The following USP6NL variants were observed in gnomAD, a reference collection of about 807,000 sequenced individuals.
USP6NL encodes the protein USP6 N-terminal like.
USP6NL carries 26 observed loss-of-function variants against 61.9 expected under a neutral mutation model. The ratio of observed to expected loss-of-function variants is 0.42; its 90% CI spans 0.31 to 0.58. The LOEUF is 0.58. Ranked by LOEUF, USP6NL falls within the 20% of genes least tolerant of loss-of-function variation. The probability of loss-of-function intolerance (pLI) is 0.16; values close to 1 mark genes in which losing one functional copy is unlikely to be tolerated. For synonymous variants in USP6NL, 432 were observed against 390.1 expected (o/e 1.11, Z -1.27); for missense variants, 1,114 against 1,034.3 (o/e 1.08, Z -1.06).
At position 11,548,669 on chromosome 10, in the gene USP6NL, G is replaced by A. The variant is rs578120091; in HGVS notation, c.5-21102C>T. On this transcript the variant is annotated intron_variant, in intron 2 of 14. Coordinates refer to ENST00000609104, the MANE Select transcript of USP6NL (RefSeq NM_014688.5). The surrounding 1 kb of genome is among the most constrained non-coding windows in gnomAD (Gnocchi z 4.3). ...TAAGATCCTAGGACCCACTGGCAAA[G>A]ACTTTCATTCTGATAAACATCAACA... Among the ~76,000 whole-genome samples, 1 of 152,228 alleles carries A rather than the reference G, an allele frequency of 6.6e-6. No homozygotes were observed. The highest frequency in any genetic ancestry group is 1.5e-5 in the Non-Finnish European group (1 of 67,984).
intron 2 of USP6NL, chr10:11,565,751 C>T (rs1203093542): frequency 6.6e-6 from 1 of 152,150 alleles, no homozygotes; most frequent in Non-Finnish European, 1.5e-5. Flanking sequence ...TATCCAGCCG[C>T]TCACCATTGA....
chr10:11,477,326 G>A (rs2440086), intron 14 of USP6NL, among the ~76,000 whole-genome samples: 67,869 of 152,078 alleles, frequency 0.45, 15,565 homozygotes, highest in Middle Eastern at 0.53. Flanking sequence ...AGTGAGAAAT[G>A]AAAATGTAGG....
Position 11,462,848 on chromosome 10 carries a change from G to A in USP6NL, c.2080C>T (p.Pro694Ser), listed in dbSNP as rs2096221148. Residue 694 changes from proline (P) to serine (S), a missense_variant, in exon 15 of 15, where the codon CCG becomes TCG. Transcript: ENST00000609104. ...SYSRPSPLVL[P>S]SSRIEVLPVD... The stretch of plus-strand genomic sequence containing the variant: ...GGGAGGACTTCTATTCGACTAGACG[G>A]CAGTACAAGGGGGCTTGGGCGGCTG... 3 of 1,613,928 alleles carry A rather than the reference G, an allele frequency of 1.9e-6. No individual in the cohort carries two copies. The highest frequency in any genetic ancestry group is 2.2e-5 in the East Asian group (1 of 44,880).
At chr10:11,577,768 T>C (rs917087628) in intron 2 of USP6NL, among the ~76,000 whole-genome samples, 1 of 152,132 alleles carries the variant, frequency 6.6e-6, no homozygotes, top group African/African-American at 2.4e-5. Flanking sequence ...CCCAAAGTAC[T>C]GGGATTACAG....
rs1044951447 is a variant in USP6NL at position 11,463,153 on chromosome 10, G to A, written c.1775C>T (p.Pro592Leu). The A allele has an allele frequency of 1.9e-6, 3 of 1,613,816 alleles. No homozygotes were observed. Among genetic ancestry groups the A allele is most frequent in the Non-Finnish European group, 2.5e-6 (3 of 1,179,904 alleles). The stretch of plus-strand genomic sequence containing the variant: ...GGATACTTTTGATGGACTAGAACTT[G>A]GCTCAGCGTGCTTTCTCGGGCTAGG... ...YPPSPRKHAE[P>L]SSSPSKVSNK... is the part of the protein sequence containing the mutation. The change falls in exon 15 of 15, where the codon CCA (proline) becomes CTA (leucine). Residue 592 changes from proline (P) to leucine (L), a missense_variant. Pro to Leu is a moderately conservative substitution (Grantham distance 98, BLOSUM62 -3). Transcript: ENST00000609104. The surrounding 1 kb of genome is among the most constrained non-coding windows in gnomAD (Gnocchi z 6.3).
intron 2 of USP6NL, among the ~76,000 whole-genome samples, chr10:11,542,539 C>T (rs1001229464): frequency 2.6e-5 from 4 of 152,042 alleles, no homozygotes; most frequent in African/African-American, 9.7e-5. Flanking sequence ...GCCAACACAG[C>T]GAAATCCCAT....
intron 2 of USP6NL, among the ~76,000 whole-genome samples, chr10:11,555,949 G>T (rs1355948347): frequency 6.6e-6 from 1 of 152,102 alleles, no homozygotes; most frequent in Non-Finnish European, 1.5e-5. Context: ...GACATTTCCA[G>T]ATAATGCCTG....
At chr10:11,558,664 C>T (rs1204676388) in intron 2 of USP6NL, among the ~76,000 whole-genome samples, 1 of 152,164 alleles carries the variant, frequency 6.6e-6, no homozygotes, top group East Asian at 1.9e-4. Context: ...AACCTCCAAG[C>T]CTCTAAAGAT....
intron 1 of USP6NL, among the ~76,000 whole-genome samples, chr10:11,608,411 A>G (rs1275954133): frequency 6.6e-6 from 1 of 152,222 alleles, no homozygotes; most frequent in Non-Finnish European, 1.5e-5. Context: ...CATAACCAAC[A>G]GTGACTGCTC....
rs1832396853 is a variant in USP6NL, at chr10:11,465,183, T to C, written c.1079-1334A>G. 1.3e-5 allele frequency among the ~76,000 whole-genome samples: 2 copies of C among 152,240 alleles called. No individual in the cohort carries two copies. Among genetic ancestry groups the C allele is most frequent in the African/African-American group, 4.8e-5 (2 of 41,454 alleles). On this transcript the variant is annotated intron_variant, in intron 14 of 14. Transcript: ENST00000609104. This position sits in a 1 kb window ranked among gnomAD's most constrained non-coding sequence, Gnocchi z 4.5. ...GAATTTATAAACTTTCCTTTAGTCC[T>C]CACTGTCTGACAGTTTTCTAAGGGC...
At chr10:11,494,535 T>C (rs540348367) in intron 7 of USP6NL, among the ~76,000 whole-genome samples, 1 of 152,264 alleles carries the variant, frequency 6.6e-6, no homozygotes, top group South Asian at 2.1e-4. Flanking sequence ...AAAAGACAGC[T>C]GGGCCCAGGG....
At chr10:11,529,370 G>A (rs1835554840) in intron 2 of USP6NL, among the ~76,000 whole-genome samples, 1 of 152,118 alleles carries the variant, frequency 6.6e-6, no homozygotes, top group Admixed American at 6.5e-5. Flanking sequence ...TTGATAATAT[G>A]TGTAAAAAAA....
At position 11,463,859 on chromosome 10, in the gene USP6NL, AAGAG is replaced by A; in HGVS notation, c.1079-14_1079-11del. The A allele has an allele frequency of 6.9e-7, 1 of 1,457,354 alleles. No homozygotes were observed. Among genetic ancestry groups the A allele is most frequent in the Non-Finnish European group, 9.1e-7 (1 of 1,103,206 alleles). The allele number at this position is 1,457,354 out of a possible 1,614,324, so 90.3% of individuals were successfully genotyped here. A position where few individuals can be genotyped will look rare whatever the true frequency, so the allele number is the denominator to read the frequency against. On this transcript the variant is annotated splice_polypyrimidine_tract_variant and intron_variant, in intron 14 of 14. Coordinates refer to ENST00000609104, the MANE Select transcript of USP6NL (RefSeq NM_014688.5). The surrounding 1 kb of genome is among the most constrained non-coding windows in gnomAD (Gnocchi z 6.3). ...TATTCATCCTCTTTACCTGAAAAGA[AAGAG>A]AAAGGCTAAGTAAGATAATACACGA...
Position 11,525,768 on chromosome 10 carries a change from G to T in USP6NL, c.73-300C>A, listed in dbSNP as rs757555393. On this transcript the variant is annotated intron_variant, in intron 3 of 14. Transcript: ENST00000609104. This position sits in a 1 kb window ranked among gnomAD's most constrained non-coding sequence, Gnocchi z 5.0. ...GGGAAGCTAATGAGGAAAGAAGAGC[G>T]ATGGGGATGAGAAAGCCACTCCAGA... is the stretch of plus-strand genomic sequence containing the variant. Among the ~76,000 whole-genome samples the T allele has an allele frequency of 3.3e-5, 5 of 152,184 alleles. No individual in the cohort carries two copies. Among genetic ancestry groups the T allele is most frequent in the Non-Finnish European group, 7.3e-5 (5 of 68,036 alleles).
rs186311493 is a variant in USP6NL at position 11,501,685 on chromosome 10, C to G, written c.277-477G>C. On this transcript the variant is annotated intron_variant, in intron 6 of 14. Coordinates refer to ENST00000609104, the MANE Select transcript of USP6NL (RefSeq NM_014688.5). ...CTGACTCCTAATCTCTTTCCTGCCA[C>G]CTTCTCACTGGTCTCTCAGAAGATA... Among the ~76,000 whole-genome samples the G allele has an allele frequency of 1.2e-3, 185 of 152,282 alleles. 1 individual carries two copies. Among genetic ancestry groups the G allele is most frequent in the Non-Finnish European group, 8.7e-4 (59 of 68,018 alleles).
rs148818343 is a variant in USP6NL, at chr10:11,542,954, C to T, written c.5-15387G>A. Reference sequence around the variant, plus strand: ...CACCCCTCACAACTGGGTAATCTACCGCAGGAGCAGAAGTATATATAGGAA... The same window carrying T: ...CACCCCTCACAACTGGGTAATCTACTGCAGGAGCAGAAGTATATATAGGAA... On this transcript the variant is annotated intron_variant, in intron 2 of 14. Transcript: ENST00000609104. Among the ~76,000 whole-genome samples, 370 of 152,028 alleles carry T rather than the reference C, an allele frequency of 2.4e-3. 1 individual carries two copies. The highest frequency in any genetic ancestry group is 5.8e-3 in the African/African-American group (239 of 41,466).
rs1459067779 is a variant in USP6NL, at chr10:11,487,156, T to C, written c.665-1245A>G. Among the ~76,000 whole-genome samples, 2 of 152,124 alleles carry C rather than the reference T, an allele frequency of 1.3e-5. No individual in the cohort carries two copies. Among genetic ancestry groups the C allele is most frequent in the African/African-American group, 4.8e-5 (2 of 41,428 alleles). Reference sequence around the variant, plus strand: ...TCTAATTTTCGAAAAGTCAATACAGTTCAGTAATAACTAGCTCAAGAATGC... The same window carrying C: ...TCTAATTTTCGAAAAGTCAATACAGCTCAGTAATAACTAGCTCAAGAATGC... On this transcript the variant is annotated intron_variant, in intron 10 of 14. Coordinates refer to ENST00000609104, the MANE Select transcript of USP6NL (RefSeq NM_014688.5). The surrounding 1 kb of genome is among the most constrained non-coding windows in gnomAD (Gnocchi z 4.2).
At position 11,489,135 on chromosome 10, in the gene USP6NL, T is replaced by C; in HGVS notation, c.631A>G (p.Lys211Glu). ...NEEDAFWALV[K>E]LFSGPKHAMH... ...GCATGTTTAGGGCCTGAGAAGAGTTTGACCAGGGCCCAGAAGGCATCTTCC... is the reference window on the plus strand; with the variant it reads ...GCATGTTTAGGGCCTGAGAAGAGTTCGACCAGGGCCCAGAAGGCATCTTCC... The change falls in exon 10 of 15, where the codon AAA becomes GAA. Residue 211 changes from lysine to glutamate, a missense_variant. Coordinates refer to ENST00000609104, the MANE Select transcript of USP6NL (RefSeq NM_014688.5). The surrounding 1 kb of genome is among the most constrained non-coding windows in gnomAD (Gnocchi z 5.7). The C allele has an allele frequency of 6.2e-7, 1 of 1,613,990 alleles. No individual in the cohort carries two copies. The highest frequency in any genetic ancestry group is 1.1e-5 in the South Asian group (1 of 91,076).
chr10:11,512,711 T>A (rs776105680), intron 5 of USP6NL, among the ~76,000 whole-genome samples: 3 of 152,212 alleles, frequency 2.0e-5, no homozygotes, highest in Admixed American at 6.5e-5. Context: ...TTTGTCTGCC[T>A]GTCATGTTTT....
Sources: gnomAD v4.1 joint callset for allele counts (sites outside exome capture counted in the v4.1 genomes callset) on GRCh38, gnomAD v4.1.1 for gene constraint, Gnocchi (gnomAD v3.1) non-coding constraint, MANE v1.5 for transcripts, NCBI Gene and HGNC (gene_info 2026-07-23, HGNC 2026-07-21) for gene names.